FCRL3: variants seen among roughly 807,000 people sequenced by gnomAD.
The protein encoded by FCRL3 is Fc receptor-like protein 3.
Under a neutral mutation model 75.0 loss-of-function variants are expected in FCRL3, and 89 were observed. That is an observed-to-expected ratio of 1.19 (90% CI 1.00 to 1.42). The LOEUF is 1.42. Among genes scored for constraint, FCRL3 ranks in the 40% most tolerant of loss-of-function variants. The pLI, the probability that FCRL3 is intolerant of heterozygous loss-of-function variation, is 0.00. For synonymous variants in FCRL3, 376 were observed against 348.5 expected (o/e 1.08, Z -0.88); for missense variants, 946 against 880.0 (o/e 1.07, Z -0.95).
rs1297231038 is a variant in FCRL3, at chr1:157,676,757, T to C, written c.*1953A>G. On this transcript the variant is annotated 3_prime_UTR_variant, in exon 15 of 15. Transcript: ENST00000368184. Reference sequence around the variant, plus strand: ...GAAAATCTTGAACTTTGTTCTTTCTTGGGTTCAGAATCTAGAAAATGGATA... The same window carrying C: ...GAAAATCTTGAACTTTGTTCTTTCTCGGGTTCAGAATCTAGAAAATGGATA... The C allele has an allele frequency of 6.5e-7, 1 of 1,550,382 alleles. No individual in the cohort carries two copies. Among genetic ancestry groups the C allele is most frequent in the South Asian group, 1.2e-5 (1 of 84,062 alleles).
At position 157,695,951 on chromosome 1, in the gene FCRL3, C is replaced by T. The variant is rs558725647; in HGVS notation, c.1132+89G>A. 1,289 of 299,258 alleles carry T rather than the reference C, an allele frequency of 4.3e-3. 18 individuals are homozygous for T. Among genetic ancestry groups the T allele is most frequent in the African/African-American group, 0.029 (1,152 of 39,644 alleles). 18.5% of individuals were successfully genotyped at this position (299,258 alleles called of 1,614,324 possible). A position where few individuals can be genotyped will look rare whatever the true frequency, so the allele number is the denominator to read the frequency against. ...CACCCCCCTCCCCTCCCTCCCTCCC[C>T]GTGCCTCTTTTAGGAGACCTTAGTG... is the stretch of plus-strand genomic sequence containing the variant. On this transcript the variant is annotated intron_variant, in intron 7 of 14. Coordinates refer to ENST00000368184, the MANE Select transcript of FCRL3 (RefSeq NM_052939.4).
In FCRL3 at chr1:157,680,961, GC is replaced by G; in HGVS notation, c.1957+19del. 1 of 1,548,942 alleles carries G rather than the reference GC, an allele frequency of 6.5e-7. No individual in the cohort carries two copies. Among genetic ancestry groups the G allele is most frequent in the South Asian group, 1.2e-5 (1 of 80,190 alleles). On this transcript the variant is annotated intron_variant, in intron 12 of 14. Coordinates refer to ENST00000368184, the MANE Select transcript of FCRL3 (RefSeq NM_052939.4). ...CCCTGGCTCCTCCCTAGAGCCTTCT[GC>G]CCCCTAGGGAGTCCTCACCATTGCT...
chr1:157,680,955 C>A, intron 12 of FCRL3, 26 bp downstream of exon 12: 2 of 1,544,698 alleles, frequency 1.3e-6, no homozygotes, highest in Admixed American at 1.9e-5. Flanking sequence ...CTCCCTAGAG[C>A]CTTCTGCCCC....
intron 11 of FCRL3, among the ~76,000 whole-genome samples, chr1:157,682,400 C>T (rs1043594760): frequency 2.6e-4 from 40 of 152,130 alleles, no homozygotes; most frequent in African/African-American, 9.6e-4. Flanking sequence ...GTCTTTAATC[C>T]ATCTTGAATT....
At chr1:157,692,772 T>G (rs1433052846) in intron 8 of FCRL3, among the ~76,000 whole-genome samples, 2 of 152,246 alleles carry the variant, frequency 1.3e-5, no homozygotes, top group Non-Finnish European at 2.9e-5. Flanking sequence ...AAAGTGACTT[T>G]TAACAGTATT....
chr1:157,691,435 G>T (rs1442721954), intron 8 of FCRL3, among the ~76,000 whole-genome samples: 1 of 152,166 alleles, frequency 6.6e-6, no homozygotes. Context: ...GCTTTCCATC[G>T]CAGATGGGCT....
rs1451702680 is a variant in FCRL3 at position 157,697,500 on chromosome 1, C to T, written c.560-76G>A. ...TAGAGAGATGCATTTGTCATCTCAG[C>T]ACCAGCCATCAGGAGATAGAGAAGC... On this transcript the variant is annotated intron_variant, in intron 5 of 14. Coordinates refer to ENST00000368184, the MANE Select transcript of FCRL3 (RefSeq NM_052939.4). 1.9e-5 allele frequency: 28 copies of T among 1,484,500 alleles called. No homozygotes were observed. The Middle Eastern group carries it at 9.3e-4, about 49-fold the overall frequency. The allele number at this position is 1,484,500 out of a possible 1,614,324, so 92.0% of individuals were successfully genotyped here.
intron 8 of FCRL3, among the ~76,000 whole-genome samples, chr1:157,694,474 C>T (rs112777888): frequency 9.6e-4 from 146 of 152,244 alleles, no homozygotes; most frequent in African/African-American, 3.4e-3. Flanking sequence ...GAACAAGAGT[C>T]CATGGCAAAA....
chr1:157,690,051 A>G, intron 9 of FCRL3, 134 bp from the exon 10 acceptor site: 1 of 1,384,236 alleles, frequency 7.2e-7, no homozygotes, highest in Non-Finnish European at 9.9e-7. Context: ...AAACTATGGC[A>G]TATGAAAGGT....
At chr1:157,689,777 A>G (rs982639991) in intron 10 of FCRL3, 21 bp downstream of exon 10, 11 of 1,613,814 alleles carry the variant, frequency 6.8e-6, no homozygotes, top group Non-Finnish European at 9.3e-6. Flanking sequence ...TCACATCACA[A>G]GGTAGGACCT....
At position 157,681,641 on chromosome 1, in the gene FCRL3, G is replaced by A. The variant is rs867717491; in HGVS notation, c.1839-542C>T. ...CCACATTTTCTTAATCCAGTCTATT[G>A]TTGTTGGACATTTGGGTTGGTTCCA... On this transcript the variant is annotated intron_variant, in intron 11 of 14. Coordinates refer to ENST00000368184, the MANE Select transcript of FCRL3 (RefSeq NM_052939.4). 1.2e-4 allele frequency among the ~76,000 whole-genome samples: 18 copies of A among 152,026 alleles called. No individual in the cohort carries two copies. In the South Asian group the frequency reaches 2.5e-3, roughly 21 times the overall value.
chr1:157,697,042 C>T, intron 6 of FCRL3, 98 bp downstream of exon 6: 2 of 1,161,410 alleles, frequency 1.7e-6, no homozygotes, highest in East Asian at 5.6e-5. Flanking sequence ...GCTGGACACT[C>T]CTCTCTGTTA....
intron 11 of FCRL3, among the ~76,000 whole-genome samples, chr1:157,682,316 C>A (rs537902902): frequency 1.8e-4 from 27 of 152,174 alleles, no homozygotes; most frequent in Admixed American, 3.9e-4. Context: ...GAAGTCCTTG[C>A]CCATGCCTAT....
At chr1:157,684,005 A>AT (rs1160707126) in intron 10 of FCRL3, among the ~76,000 whole-genome samples, 1 of 152,116 alleles carries the variant, frequency 6.6e-6, no homozygotes, top group African/African-American at 2.4e-5. Context: ...CTCATCTTAA[A>AT]TTTTTTTGTA....
rs183324729 is a variant in FCRL3, at chr1:157,691,551, C to T, written c.1412-1018G>A. Among the ~76,000 whole-genome samples, 7 of 152,316 alleles carry T rather than the reference C, an allele frequency of 4.6e-5. No individual in the cohort carries two copies. In the East Asian group the frequency reaches 1.3e-3, roughly 29 times the overall value. ...AGAAAGATAGCACCAGCTGCCTCAT[C>T]AGGATAGAGGTGCCAAGTCCTGATA... On this transcript the variant is annotated intron_variant, in intron 8 of 14. Coordinates refer to ENST00000368184, the MANE Select transcript of FCRL3 (RefSeq NM_052939.4).
intron 9 of FCRL3, 37 bp from the exon 10 acceptor site, chr1:157,689,954 CAGGTTT>C: frequency 6.2e-7 from 1 of 1,610,934 alleles, no homozygotes; most frequent in Non-Finnish European, 8.5e-7. Context: ...TTCAGTGGCA[CAGGTTT>C]TGGATACAGA....
chr1:157,683,595 A>C (rs1462755895), intron 10 of FCRL3, among the ~76,000 whole-genome samples: 1 of 152,206 alleles, frequency 6.6e-6, no homozygotes, highest in African/African-American at 2.4e-5. Context: ...AGTGGAGACA[A>C]GGAGACTGAG....
rs369044998 is a variant in FCRL3, at chr1:157,678,736, G to T, written c.2179C>A (p.Arg727Ser). 1.4e-5 allele frequency: 22 copies of T among 1,613,908 alleles called. No individual in the cohort carries two copies. The South Asian group carries it at 2.1e-4, about 15-fold the overall frequency. Reference sequence around the variant, plus strand: ...TAGTGGTCTGAGGCCAGTAATACACGTGGTACATTCTCATAGTTTTCTTCA... The same window carrying T: ...TAGTGGTCTGAGGCCAGTAATACACTTGGTACATTCTCATAGTTTTCTTCA... ...DDEENYENVPRVLLASDH is the reference protein window; with the variant it reads ...DDEENYENVPSVLLASDH The change falls in exon 15 of 15, where the codon CGT becomes AGT. Residue 727 changes from arginine (R) to serine (S), a missense_variant. By Grantham distance (110) the Arg-to-Ser change is moderately radical. Transcript: ENST00000368184.
At position 157,697,254 on chromosome 1, in the gene FCRL3, TG is replaced by T; in HGVS notation, c.729del (p.Arg244AspfsTer22). 1 of 1,610,936 alleles carries T rather than the reference TG, an allele frequency of 6.2e-7. No individual in the cohort carries two copies. The highest frequency in any genetic ancestry group is 1.1e-5 in the South Asian group (1 of 90,590). ...GTCCACATGGCAGGGATCTGGAGTC[TG>T]GGGGACCTGCTCCAGCCCAATCCGA... ...QTLGLGWSRS[P>X]RLQIPAMWTE... is the part of the protein sequence containing the mutation. On this transcript the variant is annotated frameshift_variant, in exon 6 of 15. Transcript: ENST00000368184. LOFTEE classifies it high-confidence loss of function.
Sources: gnomAD v4.1 joint callset for allele counts (sites outside exome capture counted in the v4.1 genomes callset) on GRCh38, gnomAD v4.1.1 for gene constraint, MANE v1.5 for transcripts, NCBI Gene and HGNC (gene_info 2026-07-23, HGNC 2026-07-21) for gene names.